Variants in CELSR1 observed in about 807,000 individuals in gnomAD.
The protein encoded by CELSR1 is cadherin EGF LAG seven-pass G-type receptor 1.
CELSR1 carries 110 observed loss-of-function variants against 249.1 expected under a neutral mutation model. The observed-to-expected ratio is 0.44, with a 90% CI of 0.38 to 0.52. The LOEUF (loss-of-function observed/expected upper bound fraction) is 0.52. Ranked by LOEUF, CELSR1 falls within the 20% of genes least tolerant of loss-of-function variation. The pLI is 0.00. For missense variants in CELSR1, 4,109 were observed against 4,296.4 expected (o/e 0.96, Z 1.22); for synonymous variants, 2,113 against 1,900.0 (o/e 1.11, Z -2.92).
chr22:46,461,459 C>T lies in CELSR1; in HGVS notation c.4183+2248G>A, dbSNP rs943542998. Reference sequence around the variant, plus strand: ...GCCCAGGGGTCCCCAGGGGCCTCGACCACCCCTGCCCAGTGCAGCCCCAAG... The same window carrying T: ...GCCCAGGGGTCCCCAGGGGCCTCGATCACCCCTGCCCAGTGCAGCCCCAAG... On this transcript the variant is annotated intron_variant, in intron 2 of 34. Coordinates refer to ENST00000674500, the MANE Select transcript of CELSR1 (RefSeq NM_001378328.1). 3.9e-5 allele frequency among the ~76,000 whole-genome samples: 6 copies of T among 152,208 alleles called. No individual in the cohort carries two copies. In the East Asian group the frequency reaches 9.6e-4, roughly 24 times the overall value.
At position 46,535,944 on chromosome 22, in the gene CELSR1, C is replaced by T. The variant is rs755502208; in HGVS notation, c.1227G>A (p.Val409=). The change falls in exon 1 of 35, where the codon GTG becomes GTA. Residue 409 remains valine (V), a synonymous_variant. Coordinates refer to ENST00000674500, the MANE Select transcript of CELSR1 (RefSeq NM_001378328.1). ...CCCGGTCCAGCACCGCCCGTGTGCTCACCACGCCAGAGCTCTCGTTGAGCT... is the reference window on the plus strand; with the variant it reads ...CCCGGTCCAGCACCGCCCGTGTGCTTACCACGCCAGAGCTCTCGTTGAGCT... The part of the protein sequence containing the change: ...VFQLNESSGV[V]STRAVLDREE... 3.1e-6 allele frequency: 5 copies of T among 1,609,864 alleles called. No homozygotes were observed. The East Asian group carries it at 1.1e-4, about 36-fold the overall frequency.
intron 5 of CELSR1, among the ~76,000 whole-genome samples, chr22:46,414,295 A>T (rs996839340): frequency 3.3e-5 from 5 of 152,214 alleles, no homozygotes; most frequent in Non-Finnish European, 5.9e-5. Flanking sequence ...CTGGGTCAAA[A>T]GTAACAGCAC....
At chr22:46,386,762 T>G (rs920071306) in intron 18 of CELSR1, among the ~76,000 whole-genome samples, 177 bp from the exon 19 acceptor site, 4 of 145,948 alleles carry the variant, frequency 2.7e-5, no homozygotes, top group Non-Finnish European at 3.0e-5. Flanking sequence ...GTTTTTTGTG[T>G]TTTTTTTTGA....
In CELSR1 at chr22:46,410,606, G is replaced by T; in HGVS notation, c.4770-45C>A. The T allele has an allele frequency of 6.3e-7, 1 of 1,596,316 alleles. No homozygotes were observed. Among genetic ancestry groups the T allele is most frequent in the Non-Finnish European group, 8.6e-7 (1 of 1,166,606 alleles). On this transcript the variant is annotated intron_variant, in intron 6 of 34. Coordinates refer to ENST00000674500, the MANE Select transcript of CELSR1 (RefSeq NM_001378328.1). The surrounding 1 kb of genome is among the most constrained non-coding windows in gnomAD (Gnocchi z 6.8). ...TTCTGTGACGTCAGGGCGGGGAGAG[G>T]CGGCCACGGCGGGCTGGGCTCCGCA...
Position 46,410,452 on chromosome 22 carries a change from C to T in CELSR1, c.4879G>A (p.Asp1627Asn), listed in dbSNP as rs1407043928. The T allele has an allele frequency of 8.7e-6, 14 of 1,613,938 alleles. No individual in the cohort carries two copies. Among genetic ancestry groups the T allele is most frequent in the Admixed American group, 1.7e-5 (1 of 59,998 alleles). ...FVGCMRNLSV[D>N]GKNVDMAGFI... ...CCGGCCATGTCCACATTTTTGCCGTCGACTGACAGGTTCCGCATGCAGCCC... is the reference window on the plus strand; with the variant it reads ...CCGGCCATGTCCACATTTTTGCCGTTGACTGACAGGTTCCGCATGCAGCCC... Residue 1627 changes from aspartate (D) to asparagine (N), a missense_variant, in exon 7 of 35, where the codon GAC becomes AAC. Transcript: ENST00000674500. The surrounding 1 kb of genome is among the most constrained non-coding windows in gnomAD (Gnocchi z 6.8).
chr22:46,390,803 C>T lies in CELSR1; in HGVS notation c.6251-317G>A, dbSNP rs1348895448. Among the ~76,000 whole-genome samples, 1 of 152,228 alleles carries T rather than the reference C, an allele frequency of 6.6e-6. No homozygotes were observed. The highest frequency in any genetic ancestry group is 1.5e-5 in the Non-Finnish European group (1 of 68,042). The stretch of plus-strand genomic sequence containing the variant: ...CCCATGCACCAGGAATCCATTTCGG[C>T]TGGGCCTTTCCTTGCCTCACTGGAT... On this transcript the variant is annotated intron_variant, in intron 16 of 34. Transcript: ENST00000674500. This position sits in a 1 kb window ranked among gnomAD's most constrained non-coding sequence, Gnocchi z 6.3.
chr22:46,404,532 TA>T (rs2079244087), intron 9 of CELSR1, among the ~76,000 whole-genome samples: 1 of 152,250 alleles, frequency 6.6e-6, no homozygotes, highest in Non-Finnish European at 1.5e-5. Context: ...ATACAGGTTT[TA>T]ACTGGCTGTA....
At chr22:46,455,819 A>G (rs921344446) in intron 2 of CELSR1, among the ~76,000 whole-genome samples, 4 of 152,184 alleles carry the variant, frequency 2.6e-5, no homozygotes, top group Non-Finnish European at 5.9e-5. Context: ...AGAACAGGAG[A>G]TATCTGGCTA....
At chr22:46,373,987 C>T (rs890970267) in intron 24 of CELSR1, among the ~76,000 whole-genome samples, 2 of 152,192 alleles carry the variant, frequency 1.3e-5, no homozygotes, top group Non-Finnish European at 2.9e-5. Flanking sequence ...ACATCAGCCT[C>T]GAAGGGCCAG....
chr22:46,415,163 C>T (rs897566460), intron 5 of CELSR1, among the ~76,000 whole-genome samples: 3 of 152,050 alleles, frequency 2.0e-5, no homozygotes, highest in Admixed American at 2.0e-4. Context: ...GAAAATACTT[C>T]TTTTGAGATG....
rs528782549 is a variant in CELSR1, at chr22:46,437,799, C to T, written c.4406+1390G>A. On this transcript the variant is annotated intron_variant, in intron 3 of 34. Transcript: ENST00000674500. This position sits in a 1 kb window ranked among gnomAD's most constrained non-coding sequence, Gnocchi z 4.9. The stretch of plus-strand genomic sequence containing the variant: ...GGTTCCCAACTGTCGCCCAAACCCC[C>T]TCTCTTTAGAATGCAAGCAAGAAAT... Among the ~76,000 whole-genome samples the T allele has an allele frequency of 1.3e-5, 2 of 152,230 alleles. No individual in the cohort carries two copies. The highest frequency in any genetic ancestry group is 4.2e-4 in the South Asian group (2 of 4,816).
At position 46,363,620 on chromosome 22, in the gene CELSR1, C is replaced by A. The variant is rs1039691051; in HGVS notation, c.9036-373G>T. ...GGGCCAGGACCCCAGCTCCACCCCG[C>A]CCCCTTCACCCCTGGCATTCCGGGA... On this transcript the variant is annotated intron_variant, in intron 34 of 34. Coordinates refer to ENST00000674500, the MANE Select transcript of CELSR1 (RefSeq NM_001378328.1). This position sits in a 1 kb window ranked among gnomAD's most constrained non-coding sequence, Gnocchi z 4.3. 2.8e-6 allele frequency: 1 copy of A among 359,896 alleles called. No homozygotes were observed. Among genetic ancestry groups the A allele is most frequent in the South Asian group, 4.2e-5 (1 of 23,544 alleles). The allele number at this position is 359,896 out of a possible 1,614,324, so 22.3% of individuals were successfully genotyped here.
rs562428495 is a variant in CELSR1 at position 46,438,878 on chromosome 22, C to G, written c.4406+311G>C. Among the ~76,000 whole-genome samples the G allele has an allele frequency of 7.2e-5, 11 of 152,306 alleles. No homozygotes were observed. The East Asian group carries it at 1.2e-3, about 16-fold the overall frequency. The stretch of plus-strand genomic sequence containing the variant: ...GTTCAAGCGGTTCTCTTGTCTCAGC[C>G]TCCTGAGTAGCTGGGATTACAGGCA... On this transcript the variant is annotated intron_variant, in intron 3 of 34. Transcript: ENST00000674500.
chr22:46,436,063 A>C lies in CELSR1; in HGVS notation c.4522+111T>G. 1.3e-6 allele frequency: 1 copy of C among 750,174 alleles called. No individual in the cohort carries two copies. The highest frequency in any genetic ancestry group is 1.7e-5 in the South Asian group (1 of 59,322). The allele number at this position is 750,174 out of a possible 1,614,324, so 46.5% of individuals were successfully genotyped here. A position where few individuals can be genotyped will look rare whatever the true frequency, so the allele number is the denominator to read the frequency against. ...AGACAGCTTCCTAGACCTACAAGTG[A>C]GGGATGAAAGGGTAAGCAGCTTGGA... On this transcript the variant is annotated intron_variant, in intron 4 of 34. Transcript: ENST00000674500. This position sits in a 1 kb window ranked among gnomAD's most constrained non-coding sequence, Gnocchi z 5.9.
At position 46,380,871 on chromosome 22, in the gene CELSR1, C is replaced by T; in HGVS notation, c.7173G>A (p.Glu2391=). ...SEGAPLPRPL[E]RPVLVEFALL... Reference sequence around the variant, plus strand: ...GGGCGAACTCCACCAGGACGGGCCTCTCCAGGGGTCTCGGGAGCGGAGCCC... The same window carrying T: ...GGGCGAACTCCACCAGGACGGGCCTTTCCAGGGGTCTCGGGAGCGGAGCCC... Residue 2391 remains glutamate, a synonymous_variant, in exon 22 of 35, where the codon GAG becomes GAA. Coordinates refer to ENST00000674500, the MANE Select transcript of CELSR1 (RefSeq NM_001378328.1). This position sits in a 1 kb window ranked among gnomAD's most constrained non-coding sequence, Gnocchi z 5.1. 1 of 1,613,144 alleles carries T rather than the reference C, an allele frequency of 6.2e-7. No individual in the cohort carries two copies. The highest frequency in any genetic ancestry group is 8.5e-7 in the Non-Finnish European group (1 of 1,179,918).
intron 5 of CELSR1, among the ~76,000 whole-genome samples, chr22:46,415,700 C>T (rs892932062): frequency 6.6e-5 from 10 of 152,150 alleles, no homozygotes; most frequent in Non-Finnish European, 1.3e-4. Flanking sequence ...GAAGAACTTT[C>T]GGGAAGATCC....
At chr22:46,424,531 A>C (rs1173495564) in intron 5 of CELSR1, among the ~76,000 whole-genome samples, 23 of 152,208 alleles carry the variant, frequency 1.5e-4, no homozygotes, top group Admixed American at 1.5e-3. Context: ...AAACCCAGGT[A>C]CAAACACTGA....
chr22:46,439,652 CA>C (rs776173751), intron 2 of CELSR1, among the ~76,000 whole-genome samples: 48 of 152,126 alleles, frequency 3.2e-4, no homozygotes, highest in African/African-American at 8.2e-4. Context: ...GGATGGTGGC[CA>C]GGGGGTTCCC....
At chr22:46,372,847 T>C (rs1257475421) in intron 25 of CELSR1, 36 bp downstream of exon 25, 1 of 1,565,590 alleles carries the variant, frequency 6.4e-7, no homozygotes, top group Non-Finnish European at 8.7e-7. Context: ...GTTGGAAATC[T>C]GTGGTTTTAT....
Sources: gnomAD v4.1 joint callset for allele counts (sites outside exome capture counted in the v4.1 genomes callset) on GRCh38, gnomAD v4.1.1 for gene constraint, Gnocchi (gnomAD v3.1) non-coding constraint, MANE v1.5 for transcripts, NCBI Gene and HGNC (gene_info 2026-07-23, HGNC 2026-07-21) for gene names.